Variants in SORCS1 observed in about 807,000 individuals in gnomAD.
SORCS1 encodes the protein sortilin related VPS10 domain containing receptor 1.
SORCS1 carries 60 observed loss-of-function variants against 146.1 expected under a neutral mutation model. The observed-to-expected ratio is 0.41, with a 90% CI of 0.33 to 0.51. The LOEUF (loss-of-function observed/expected upper bound fraction) is 0.51. Among genes scored for constraint, SORCS1 ranks in the 20% least tolerant of loss-of-function variants. The probability of loss-of-function intolerance (pLI) is 0.21; values close to 1 mark genes in which losing one functional copy is unlikely to be tolerated. For missense variants in SORCS1, 1,352 were observed against 1,487.6 expected, an observed-to-expected ratio of 0.91 and a Z score of 1.50; for synonymous variants, 637 against 584.0, an observed-to-expected ratio of 1.09 and a Z score of -1.31.
At chr10:106,628,254 C>T (rs537718453) in intron 19 of SORCS1, among the ~76,000 whole-genome samples, 76 of 152,310 alleles carry the variant, frequency 5.0e-4, no homozygotes, top group African/African-American at 1.8e-3. Flanking sequence ...AATAGTCTTG[C>T]CCTCTCACTG....
chr10:106,954,199 T>A (rs954760355), intron 2 of SORCS1, among the ~76,000 whole-genome samples: 1 of 152,208 alleles, frequency 6.6e-6, no homozygotes, highest in African/African-American at 2.4e-5. Context: ...TAAGCCTCTG[T>A]CCCAGTGAGA....
rs78589403 is a variant in SORCS1 at position 106,960,858 on chromosome 10, T to C, written c.559-4278A>G. Among the ~76,000 whole-genome samples the C allele has an allele frequency of 0.012, 1,782 of 152,176 alleles. 21 individuals are homozygous for C. The highest frequency in any genetic ancestry group is 0.015 in the Non-Finnish European group (1,050 of 68,010). On this transcript the variant is annotated intron_variant, in intron 1 of 25. Coordinates refer to ENST00000263054, the MANE Select transcript of SORCS1 (RefSeq NM_052918.5). This position sits in a 1 kb window ranked among gnomAD's most constrained non-coding sequence, Gnocchi z 4.4. ...CAAGGGAGTGGGCAAGGGCTTCTTC[T>C]CCCACAGCACTGAGCCACATTTTCA...
chr10:107,091,286 C>T (rs1475530843), intron 1 of SORCS1, among the ~76,000 whole-genome samples: 3 of 152,214 alleles, frequency 2.0e-5, no homozygotes, highest in Non-Finnish European at 4.4e-5. Context: ...CTTATGGGTT[C>T]CCCAGCATCG....
intron 6 of SORCS1, among the ~76,000 whole-genome samples, chr10:106,717,004 AT>A (rs113190020): frequency 2.0e-5 from 3 of 152,316 alleles, no homozygotes; most frequent in African/African-American, 7.2e-5. Context: ...CCATTCTATC[AT>A]TCAACAAGTG....
intron 18 of SORCS1, among the ~76,000 whole-genome samples, chr10:106,639,406 TA>T (rs1289922367): frequency 5.9e-5 from 9 of 152,332 alleles, no homozygotes; most frequent in African/African-American, 2.2e-4. Flanking sequence ...TAAGTCAGAC[TA>T]AAGTTCTTAG....
At chr10:107,173,692 A>G in the SORCS1 span, among the ~76,000 whole-genome samples, 2 of 152,214 alleles carry the variant, frequency 1.3e-5, no homozygotes, top group African/African-American at 4.8e-5. Context: ...TATATCTATA[A>G]TCCATCTGGA....
intron 18 of SORCS1, among the ~76,000 whole-genome samples, chr10:106,642,020 A>T (rs1849103836): frequency 6.6e-6 from 1 of 152,212 alleles, no homozygotes; most frequent in South Asian, 2.1e-4. Context: ...TCAAAGAACA[A>T]ATAAATAAAT....
chr10:106,684,963 C>A (rs1852712255), intron 10 of SORCS1, among the ~76,000 whole-genome samples: 2 of 152,188 alleles, frequency 1.3e-5, no homozygotes, highest in Non-Finnish European at 2.9e-5. Flanking sequence ...TTCTCACCTG[C>A]AGCCTGCTTT....
intron 8 of SORCS1, among the ~76,000 whole-genome samples, chr10:106,702,781 A>G (rs1483003722): frequency 2.0e-5 from 3 of 152,130 alleles, no homozygotes; most frequent in Non-Finnish European, 2.9e-5. Flanking sequence ...TTTTCTCCCA[A>G]TGTGGCACTT....
intron 6 of SORCS1, among the ~76,000 whole-genome samples, chr10:106,711,972 C>T (rs1011132830): frequency 1.3e-5 from 2 of 152,114 alleles, no homozygotes. Context: ...GGCTTGAATT[C>T]TGGTGTGGTT....
At chr10:106,944,105 G>T (rs1403540991) in intron 2 of SORCS1, among the ~76,000 whole-genome samples, 1 of 152,060 alleles carries the variant, frequency 6.6e-6, no homozygotes, top group South Asian at 2.1e-4. Context: ...CTTACTTCTT[G>T]TTTCACTGAC....
intron 1 of SORCS1, among the ~76,000 whole-genome samples, chr10:107,114,709 C>T (rs905036375): frequency 6.6e-6 from 1 of 152,082 alleles, no homozygotes; most frequent in Non-Finnish European, 1.5e-5. Context: ...CAAGCATACA[C>T]ACTCTCATCA....
chr10:107,151,458 A>C (rs1285427065), intron 1 of SORCS1, among the ~76,000 whole-genome samples: 1 of 152,004 alleles, frequency 6.6e-6, no homozygotes, highest in African/African-American at 2.4e-5. Context: ...GAGATCTCAG[A>C]ATGATGGTGG....
chr10:106,994,288 CA>C (rs1956905053), intron 1 of SORCS1, among the ~76,000 whole-genome samples: 1 of 151,802 alleles, frequency 6.6e-6, no homozygotes. Flanking sequence ...TACAGCACGA[CA>C]AAAATCTGTC....
chr10:107,000,923 T>C (rs1957190307), intron 1 of SORCS1, among the ~76,000 whole-genome samples: 1 of 152,150 alleles, frequency 6.6e-6, no homozygotes, highest in South Asian at 2.1e-4. Context: ...GGATGTTATT[T>C]GTAGAAGCAA....
intron 1 of SORCS1, among the ~76,000 whole-genome samples, chr10:107,099,436 G>T (rs1439690200): frequency 6.6e-6 from 1 of 151,984 alleles, no homozygotes; most frequent in Admixed American, 6.6e-5. Flanking sequence ...CTAAAGGAGT[G>T]GTCTATGTGC....
In SORCS1 at chr10:106,753,657, G is replaced by A. The variant is rs188686775; in HGVS notation, c.959+7931C>T. On this transcript the variant is annotated intron_variant, in intron 5 of 25. Transcript: ENST00000263054. Reference sequence around the variant, plus strand: ...ACTCAAGGTTAGAGGAGAAAATTTGGGGCAGCGATAATAGGCCAGGTATAT... The same window carrying A: ...ACTCAAGGTTAGAGGAGAAAATTTGAGGCAGCGATAATAGGCCAGGTATAT... Among the ~76,000 whole-genome samples the A allele has an allele frequency of 3.5e-3, 526 of 151,774 alleles. 11 individuals are homozygous for A. Among genetic ancestry groups the A allele is most frequent in the African/African-American group, 0.012 (507 of 41,358 alleles).
chr10:106,765,022 CAAAA>C (rs10582038), intron 4 of SORCS1, among the ~76,000 whole-genome samples: 2 of 73,266 alleles, frequency 2.7e-5, no homozygotes, highest in Admixed American at 1.6e-4. Context: ...GACACTGTCT[CAAAA>C]AAAAAAAAAA....
Position 106,618,282 on chromosome 10 carries a change from A to T in SORCS1, c.2797-10T>A. 6.2e-7 allele frequency: 1 copy of T among 1,613,328 alleles called. No homozygotes were observed. Among genetic ancestry groups the T allele is most frequent in the East Asian group, 2.2e-5 (1 of 44,834 alleles). Reference sequence around the variant, plus strand: ...CCAAGGTGATCAAAGGCTAAAATAAACAAGGGCCCAGAGTGAAGGGAAAGC... The same window carrying T: ...CCAAGGTGATCAAAGGCTAAAATAATCAAGGGCCCAGAGTGAAGGGAAAGC... On this transcript the variant is annotated splice_polypyrimidine_tract_variant and intron_variant, in intron 20 of 25. Coordinates refer to ENST00000263054, the MANE Select transcript of SORCS1 (RefSeq NM_052918.5).
Sources: allele counts gnomAD v4.1 joint callset (sites outside exome capture counted in the v4.1 genomes callset), GRCh38; gene constraint gnomAD v4.1.1; non-coding constraint Gnocchi (gnomAD v3.1); transcripts MANE v1.5; gene names NCBI Gene and HGNC (gene_info 2026-07-23, HGNC 2026-07-21).